Variants in DOCK1 observed in about 807,000 individuals in gnomAD.
DOCK1 encodes the protein dedicator of cytokinesis protein 1.
In DOCK1, 138 loss-of-function variants were observed where a neutral mutation model predicts 262.7. The ratio of observed to expected loss-of-function variants is 0.53; its 90% confidence interval spans 0.46 to 0.61. The LOEUF (loss-of-function observed/expected upper bound fraction) is 0.61, where lower values mean the gene tolerates loss of function less well. Among genes scored for constraint, DOCK1 ranks in the 20% least tolerant of loss-of-function variants. The probability of loss-of-function intolerance (pLI) is 0.00; values close to 1 mark genes in which losing one functional copy is unlikely to be tolerated. For missense variants in DOCK1, 1,908 were observed against 2,370.7 expected (o/e 0.80, Z 4.05); for synonymous variants, 866 against 867.4 (o/e 1.00, Z 0.03).
intron 1 of DOCK1, among the ~76,000 whole-genome samples, chr10:126,970,225 G>A (rs1436897204): frequency 1.3e-5 from 2 of 152,064 alleles, no homozygotes; most frequent in African/African-American, 2.4e-5. Flanking sequence ...GACATTTCTT[G>A]CTTATCATTG....
chr10:127,093,198 TTTTCTTTCTTTCTTTCTTTCTTTTC>T (rs2047653596), intron 23 of DOCK1, among the ~76,000 whole-genome samples: 2 of 92,452 alleles, frequency 2.2e-5, no homozygotes, highest in East Asian at 2.7e-4. Context: ...TCCCTCTCCT[TTTTCTTTCTTTCTTTCTTTCTTTTC>T]TTTCTTTCTT....
chr10:127,306,281 C>A (rs2061872817), intron 29 of DOCK1, among the ~76,000 whole-genome samples: 1 of 152,246 alleles, frequency 6.6e-6, no homozygotes, highest in African/African-American at 2.4e-5. Flanking sequence ...TTCCAGAGTG[C>A]TGGGATTACA....
At chr10:127,278,523 A>T (rs1225539947) in intron 29 of DOCK1, among the ~76,000 whole-genome samples, 1 of 152,172 alleles carries the variant, frequency 6.6e-6, no homozygotes, top group Non-Finnish European at 1.5e-5. Context: ...AGCAAGGGTG[A>T]GGGAGTTGCA....
intron 38 of DOCK1, among the ~76,000 whole-genome samples, chr10:127,395,090 C>G (rs916586851): frequency 1.3e-5 from 2 of 152,188 alleles, no homozygotes; most frequent in African/African-American, 4.8e-5. Flanking sequence ...GGGAAGAGCT[C>G]CTGATGACAT....
At chr10:127,325,850 C>A (rs547964566) in intron 29 of DOCK1, among the ~76,000 whole-genome samples, 1 of 152,240 alleles carries the variant, frequency 6.6e-6, no homozygotes, top group Non-Finnish European at 1.5e-5. Context: ...AATGTTCAGT[C>A]AAAGCTATAT....
intron 29 of DOCK1, among the ~76,000 whole-genome samples, chr10:127,321,022 G>A (rs2062495427): frequency 6.6e-6 from 1 of 152,078 alleles, no homozygotes; most frequent in Non-Finnish European, 1.5e-5. Flanking sequence ...AATGAAATCT[G>A]TTCTACTGCA....
chr10:126,944,931 C>T (rs1042383844), intron 1 of DOCK1, among the ~76,000 whole-genome samples: 6 of 152,072 alleles, frequency 3.9e-5, no homozygotes, highest in Admixed American at 2.6e-4. Context: ...CTCTGTCTCC[C>T]GGGTTCAAAC....
At chr10:126,920,658 A>C (rs922260314) in intron 1 of DOCK1, among the ~76,000 whole-genome samples, 1 of 152,254 alleles carries the variant, frequency 6.6e-6, no homozygotes, top group African/African-American at 2.4e-5. Context: ...CTTTTTCTGC[A>C]GAGATCTAGA....
intron 27 of DOCK1, among the ~76,000 whole-genome samples, chr10:127,171,086 A>C (rs1005980886): frequency 6.6e-6 from 1 of 152,210 alleles, no homozygotes; most frequent in Admixed American, 6.5e-5. Context: ...ACTGTATTTC[A>C]GTGTCTACCA....
At chr10:127,291,930 G>A (rs1161494781) in intron 29 of DOCK1, among the ~76,000 whole-genome samples, 2 of 152,188 alleles carry the variant, frequency 1.3e-5, no homozygotes, top group East Asian at 3.9e-4. Context: ...CCTTCACAGA[G>A]TGCCTCCTGA....
chr10:127,229,205 C>T (rs181316558), intron 27 of DOCK1, among the ~76,000 whole-genome samples: 56 of 152,244 alleles, frequency 3.7e-4, no homozygotes, highest in African/African-American at 1.3e-3. Flanking sequence ...GCCTGGGTGA[C>T]AGAGCAAGAC....
At chr10:127,209,195 T>A (rs1231132627) in intron 27 of DOCK1, among the ~76,000 whole-genome samples, 2 of 152,248 alleles carry the variant, frequency 1.3e-5, no homozygotes, top group Non-Finnish European at 2.9e-5. Flanking sequence ...TTTCAGTTCT[T>A]TACACTGAGA....
Position 127,433,391 on chromosome 10 carries a change from T to C in DOCK1, c.5023T>C (p.Ser1675Pro). ...PLSVASVSSL[S>P]SDSTPSRPGS... Reference sequence around the variant, plus strand: ...GTCTGTGGCCTCTGTCTCTTCCCTCTCATCGGACAGCACCCCTTCCAGACC... The same window carrying C: ...GTCTGTGGCCTCTGTCTCTTCCCTCCCATCGGACAGCACCCCTTCCAGACC... The change falls in exon 48 of 52, where the codon TCA (serine) becomes CCA (proline). Residue 1675 changes from serine to proline, a missense_variant. Coordinates refer to ENST00000623213, the MANE Select transcript of DOCK1 (RefSeq NM_001290223.2). 6.2e-7 allele frequency: 1 copy of C among 1,613,976 alleles called. No homozygotes were observed. The highest frequency in any genetic ancestry group is 8.5e-7 in the Non-Finnish European group (1 of 1,179,898).
intron 12 of DOCK1, among the ~76,000 whole-genome samples, chr10:127,013,906 C>CG (rs1565064909): frequency 6.6e-6 from 1 of 152,210 alleles, no homozygotes; most frequent in Non-Finnish European, 1.5e-5. Context: ...ACAGATCGGC[C>CG]GCCGGGACTG....
intron 29 of DOCK1, among the ~76,000 whole-genome samples, chr10:127,336,101 C>T (rs2135706748): frequency 6.6e-6 from 1 of 152,188 alleles, no homozygotes; most frequent in Middle Eastern, 3.4e-3. Context: ...GATCTGCCCG[C>T]CTCAGCCTCC....
intron 3 of DOCK1, 44 bp from the exon 4 acceptor site, chr10:126,981,874 T>C (rs760924004): frequency 1.4e-5 from 22 of 1,587,770 alleles, no homozygotes; most frequent in Non-Finnish European, 4.3e-6. Flanking sequence ...CATTCAGCAA[T>C]CCTATTGATA....
At chr10:126,945,855 C>A (rs1301015109) in intron 1 of DOCK1, among the ~76,000 whole-genome samples, 1 of 152,210 alleles carries the variant, frequency 6.6e-6, no homozygotes, top group Non-Finnish European at 1.5e-5. Context: ...TGGCCAAGAG[C>A]AGGGGGTTTT....
chr10:127,075,433 G>A (rs1478929788), intron 23 of DOCK1, among the ~76,000 whole-genome samples: 1 of 151,938 alleles, frequency 6.6e-6, no homozygotes, highest in East Asian at 1.9e-4. Context: ...CACCACAGAT[G>A]GCTAATTTTT....
intron 43 of DOCK1, among the ~76,000 whole-genome samples, chr10:127,412,612 A>G (rs7895765): frequency 0.26 from 38,816 of 152,060 alleles, 5,246 homozygotes; most frequent in African/African-American, 0.33. Flanking sequence ...AGGTGAATTA[A>G]CACCCTACTC....
Sources: gnomAD v4.1 joint callset for allele counts (sites outside exome capture counted in the v4.1 genomes callset) on GRCh38, gnomAD v4.1.1 for gene constraint, MANE v1.5 for transcripts, NCBI Gene and HGNC (gene_info 2026-07-23, HGNC 2026-07-21) for gene names.